CIC: variants seen among roughly 807,000 people sequenced by gnomAD.
CIC encodes the protein protein capicua homolog.
Under a neutral mutation model 115.7 loss-of-function variants are expected in CIC, and 18 were observed. The observed-to-expected ratio is 0.16, with a 90% CI of 0.11 to 0.23. CIC has a LOEUF of 0.23. Among genes scored for constraint, CIC ranks in the 10% least tolerant of loss-of-function variants. The probability of loss-of-function intolerance (pLI) is 1.00; values close to 1 mark genes in which losing one functional copy is unlikely to be tolerated. For synonymous variants in CIC, 1,076 were observed against 923.0 expected, an observed-to-expected ratio of 1.17 and a Z score of -3.01; for missense variants, 2,000 against 2,159.3, an observed-to-expected ratio of 0.93 and a Z score of 1.46.
rs1480586817 is a variant in CIC at position 42,274,082 on chromosome 19, G to A, written c.2299G>A (p.Val767Met). The change falls in exon 2 of 21, where the codon GTG becomes ATG. Residue 767 changes from valine to methionine, a missense_variant. Transcript: ENST00000681038. Reference sequence around the variant, plus strand: ...CTCCACGCCGGCTGGCTTCCGGGCCGTGTCCCCTGCTGTGCCCTTCTCTCG... The same window carrying A: ...CTCCACGCCGGCTGGCTTCCGGGCCATGTCCCCTGCTGTGCCCTTCTCTCG... ...TPSTPAGFRAVSPAVPFSRSR... is the reference protein window; with the variant it reads ...TPSTPAGFRAMSPAVPFSRSR... 9 of 399,684 alleles carry A rather than the reference G, an allele frequency of 2.3e-5. No homozygotes were observed. The highest frequency in any genetic ancestry group is 2.5e-4 in the South Asian group (2 of 7,954). The allele number at this position is 399,684 out of a possible 1,614,324, so 24.8% of individuals were successfully genotyped here.
chr19:42,273,034 C>T lies in CIC; in HGVS notation c.1251C>T (p.Pro417=), dbSNP rs1361437479. Residue 417 remains proline (P), a synonymous_variant, in exon 2 of 21, where the codon CCC becomes CCT. Coordinates refer to ENST00000681038, the MANE Select transcript of CIC (RefSeq NM_001386298.1). ...GTACCCCAGCCCTGCTCCCACTGCC[C>T]CCACCCCAGCTCCTGTCACCACCAC... ...ALGTPALLPL[P]PPQLLSPPPK... is the part of the protein sequence containing the mutation. The T allele has an allele frequency of 2.5e-6, 1 of 399,338 alleles. No homozygotes were observed. The highest frequency in any genetic ancestry group is 4.4e-6 in the Non-Finnish European group (1 of 226,528). 24.7% of individuals were successfully genotyped at this position (399,338 alleles called of 1,614,324 possible). A position where few individuals can be genotyped will look rare whatever the true frequency, so the allele number is the denominator to read the frequency against.
At chr19:42,290,026 TGA>T (rs973936141) in intron 10 of CIC, 75 bp downstream of exon 10, 91 of 1,442,644 alleles carry the variant, frequency 6.3e-5, no homozygotes, top group African/African-American at 5.4e-4. Context: ...CTCCCGGGCT[TGA>T]GAGAGGGGGA....
intron 12 of CIC, 141 bp from the exon 13 acceptor site, chr19:42,291,945 A>C: frequency 7.4e-7 from 1 of 1,349,816 alleles, no homozygotes; most frequent in South Asian, 1.2e-5. Context: ...CCCACCTCTC[A>C]CTGTCATCTT....
chr19:42,269,748 G>A (rs527353305), intron 1 of CIC, among the ~76,000 whole-genome samples: 161 of 146,462 alleles, frequency 1.1e-3, no homozygotes, highest in African/African-American at 3.9e-3. Flanking sequence ...GATAAATGGG[G>A]GTGACAAGGA....
At chr19:42,291,810 T>G in intron 12 of CIC, 65 bp downstream of exon 12, 1 of 1,580,204 alleles carries the variant, frequency 6.3e-7, no homozygotes, top group Admixed American at 1.7e-5. Flanking sequence ...TTTCTTTGTC[T>G]TTTTTTTCAG....
At chr19:42,285,836 C>G (rs768320773) in intron 2 of CIC, among the ~76,000 whole-genome samples, 1 of 152,234 alleles carries the variant, frequency 6.6e-6, no homozygotes, top group Non-Finnish European at 1.5e-5. Flanking sequence ...CACCACCCAC[C>G]TCTTGGGGCT....
chr19:42,294,496 A>C (rs2038374574), intron 19 of CIC, 108 bp from the exon 20 acceptor site: 2 of 1,575,118 alleles, frequency 1.3e-6, no homozygotes, highest in Admixed American at 1.7e-5. Flanking sequence ...CCCCTCTCTG[A>C]CTCCCCTGTG....
Position 42,278,385 on chromosome 19 carries a change from T to A in CIC, c.2794+3808T>A, listed in dbSNP as rs532907777. 3.3e-5 allele frequency among the ~76,000 whole-genome samples: 5 copies of A among 152,370 alleles called. No homozygotes were observed. In the East Asian group the frequency reaches 9.6e-4, roughly 29 times the overall value. ...GCCTCTGTCTGGCGGTCTGGCTCTG[T>A]CTGTCTTATCCTTGGCTTCCTATAT... is the stretch of plus-strand genomic sequence containing the variant. On this transcript the variant is annotated intron_variant, in intron 2 of 20. Coordinates refer to ENST00000681038, the MANE Select transcript of CIC (RefSeq NM_001386298.1).
rs374769971 is a variant in CIC at position 42,291,388 on chromosome 19, G to A, written c.5347G>A (p.Gly1783Ser). 1.8e-5 allele frequency: 29 copies of A among 1,612,362 alleles called. No homozygotes were observed. Among genetic ancestry groups the A allele is most frequent in the Admixed American group, 3.3e-5 (2 of 59,980 alleles). Residue 1783 changes from glycine (G) to serine (S), a missense_variant, in exon 11 of 21, where the codon GGC becomes AGC. This residue lies in a region of CIC where 1,466 missense variants were observed against 1,390.4 expected (regional missense o/e 1.05). Coordinates refer to ENST00000681038, the MANE Select transcript of CIC (RefSeq NM_001386298.1). ...FTLPPGTSTNGKVLAATAPTP... is the reference protein window; with the variant it reads ...FTLPPGTSTNSKVLAATAPTP... Reference sequence around the variant, plus strand: ...CCTCCCACCGGGCACTTCCACCAACGGCAAAGTCCTGGCTGCCACTGCACC... The same window carrying A: ...CCTCCCACCGGGCACTTCCACCAACAGCAAAGTCCTGGCTGCCACTGCACC...
In CIC at chr19:42,272,139, A is replaced by G; in HGVS notation, c.356A>G (p.Lys119Arg). 2.5e-6 allele frequency: 1 copy of G among 399,184 alleles called. No individual in the cohort carries two copies. The highest frequency in any genetic ancestry group is 4.4e-6 in the Non-Finnish European group (1 of 226,492). 24.7% of individuals were successfully genotyped at this position (399,184 alleles called of 1,614,324 possible). The change falls in exon 2 of 21, where the codon AAG (lysine) becomes AGG (arginine). Residue 119 changes from lysine (K) to arginine (R), a missense_variant. Around this residue, in one of 8 missense-constraint regions of CIC, gnomAD observed 222 missense variants for 247.7 expected, o/e 0.90. Transcript: ENST00000681038. ...KTATFKSRAP[K>R]KKYVEEHGAG... ...GCCACGTTCAAGTCTCGAGCGCCCA[A>G]GAAGAAGTATGTGGAGGAGCACGGA... is the stretch of plus-strand genomic sequence containing the variant.
In CIC at chr19:42,290,325, T is replaced by A. The variant is rs746038251; in HGVS notation, c.4284T>A (p.Asp1428Glu). 25 of 1,614,022 alleles carry A rather than the reference T, an allele frequency of 1.5e-5. No individual in the cohort carries two copies. The highest frequency in any genetic ancestry group is 1.9e-5 in the Non-Finnish European group (23 of 1,179,966). The change falls in exon 11 of 21, where the codon GAT (aspartate) becomes GAA (glutamate). Residue 1428 changes from aspartate to glutamate, a missense_variant. Transcript: ENST00000681038. ...ACCCTGAGCCCCCAGGGCCCCCGGA[T>A]CCTCCTGTAGCCTTTGGCAAAGGCT... ...PLDPEPPGPP[D>E]PPVAFGKGYG... is the part of the protein sequence containing the mutation.
At position 42,294,200 on chromosome 19, in the gene CIC, C is replaced by G. The variant is rs767342723; in HGVS notation, c.6950C>G (p.Thr2317Ser). 1 of 1,613,868 alleles carries G rather than the reference C, an allele frequency of 6.2e-7. No homozygotes were observed. The highest frequency in any genetic ancestry group is 8.5e-7 in the Non-Finnish European group (1 of 1,180,016). The change falls in exon 19 of 21, where the codon ACC (threonine) becomes AGC (serine). Residue 2317 changes from threonine to serine, a missense_variant. By Grantham distance (58) the Thr-to-Ser change is moderately conservative. Coordinates refer to ENST00000681038, the MANE Select transcript of CIC (RefSeq NM_001386298.1). ...CTGGATTCAGCACCCGAGGACCCCA[C>G]CTCGCCCAAGCGCAAGATGAGAAGA... ...TDLDSAPEDP[T>S]SPKRKMRRRS... is the part of the protein sequence containing the mutation.
At position 42,291,665 on chromosome 19, in the gene CIC, G is replaced by A. The variant is rs1599921631; in HGVS notation, c.5533G>A (p.Gly1845Arg). 1 of 1,613,000 alleles carries A rather than the reference G, an allele frequency of 6.2e-7. No individual in the cohort carries two copies. ...LAAPSMSVRGGGAGQPLPLVS... is the reference protein window; with the variant it reads ...LAAPSMSVRGRGAGQPLPLVS... Reference sequence around the variant, plus strand: ...CGCCCCTAGCATGTCAGTGCGGGGTGGAGGGGCCGGCCAGCCACTGCCACT... The same window carrying A: ...CGCCCCTAGCATGTCAGTGCGGGGTAGAGGGGCCGGCCAGCCACTGCCACT... Residue 1845 changes from glycine (G) to arginine (R), a missense_variant, in exon 12 of 21, where the codon GGA (glycine) becomes AGA (arginine). Transcript: ENST00000681038.
chr19:42,291,423 C>A lies in CIC; in HGVS notation c.5382C>A (p.Gly1794=), dbSNP rs751239213. The change falls in exon 11 of 21, where the codon GGC becomes GGA. Residue 1794 remains glycine (G), a synonymous_variant. Transcript: ENST00000681038. ...TGGCTGCCACTGCACCCACTCCTGGCATCCCCATCCTGCAGTCTGTACCCT... is the reference window on the plus strand; with the variant it reads ...TGGCTGCCACTGCACCCACTCCTGGAATCCCCATCCTGCAGTCTGTACCCT... The part of the protein sequence containing the change: ...KVLAATAPTP[G]IPILQSVPSA... The A allele has an allele frequency of 6.2e-7, 1 of 1,613,036 alleles. No individual in the cohort carries two copies. The highest frequency in any genetic ancestry group is 8.5e-7 in the Non-Finnish European group (1 of 1,179,992).
rs868456673 is a variant in CIC, at chr19:42,289,336, C to T, written c.4017C>T (p.Ala1339=). 7 of 1,613,878 alleles carry T rather than the reference C, an allele frequency of 4.3e-6. No individual in the cohort carries two copies. The highest frequency in any genetic ancestry group is 3.3e-4 in the Middle Eastern group (2 of 6,056). The part of the protein sequence containing the change: ...PTRASRSQRA[A]SEDMTSDEER... ...GAGCTTCTCGTTCTCAGCGTGCGGC[C>T]AGTGAGGACATGACGAGTGATGAGG... Residue 1339 remains alanine (A), a synonymous_variant, in exon 9 of 21, where the codon GCC becomes GCT. Coordinates refer to ENST00000681038, the MANE Select transcript of CIC (RefSeq NM_001386298.1).
chr19:42,272,300 G>A lies in CIC; in HGVS notation c.517G>A (p.Ala173Thr). The A allele has an allele frequency of 2.5e-6, 1 of 398,654 alleles. No homozygotes were observed. The highest frequency in any genetic ancestry group is 4.4e-5 in the Admixed American group (1 of 22,740). The allele number at this position is 398,654 out of a possible 1,614,324, so 24.7% of individuals were successfully genotyped here. A position where few individuals can be genotyped will look rare whatever the true frequency, so the allele number is the denominator to read the frequency against. The change falls in exon 2 of 21, where the codon GCG becomes ACG. Residue 173 changes from alanine (A) to threonine (T), a missense_variant. By Grantham distance (58) the Ala-to-Thr change is moderately conservative. Coordinates refer to ENST00000681038, the MANE Select transcript of CIC (RefSeq NM_001386298.1). ...SSTDTASEHS[A>T]DLEDEPAEAC... ...CACTGACACAGCCAGCGAGCACTCG[G>A]CGGACCTGGAGGATGAGCCGGCTGA... is the stretch of plus-strand genomic sequence containing the variant.
chr19:42,288,339 A>G (rs566820891), intron 7 of CIC, among the ~76,000 whole-genome samples: 2 of 152,338 alleles, frequency 1.3e-5, no homozygotes, highest in South Asian at 4.1e-4. Context: ...CAAGCAAATG[A>G]CAGAGCCAGA....
rs1599849261 is a variant in CIC, at chr19:42,273,011, A to G, written c.1228A>G (p.Thr410Ala). ...GGAGAAGCACCCTCCAGCCCTGGGT[A>G]CCCCAGCCCTGCTCCCACTGCCCCC... ...GEEKHPPALG[T>A]PALLPLPPPQ... The change falls in exon 2 of 21, where the codon ACC becomes GCC. Residue 410 changes from threonine (T) to alanine (A), a missense_variant. Physicochemically the swap from Thr to Ala is moderately conservative, Grantham distance 58. This residue lies in a region of CIC where 222 missense variants were observed against 247.7 expected (regional missense o/e 0.90). Coordinates refer to ENST00000681038, the MANE Select transcript of CIC (RefSeq NM_001386298.1). 2.5e-6 allele frequency: 1 copy of G among 398,756 alleles called. No homozygotes were observed. Among genetic ancestry groups the G allele is most frequent in the East Asian group, 3.6e-5 (1 of 28,034 alleles). 24.7% of individuals were successfully genotyped at this position (398,756 alleles called of 1,614,324 possible). A position where few individuals can be genotyped will look rare whatever the true frequency, so the allele number is the denominator to read the frequency against.
rs751103275 is a variant in CIC, at chr19:42,289,049, G to A, written c.3820G>A (p.Gly1274Ser). 32 of 1,613,582 alleles carry A rather than the reference G, an allele frequency of 2.0e-5. No homozygotes were observed. Among genetic ancestry groups the A allele is most frequent in the African/African-American group, 1.1e-4 (8 of 74,936 alleles). ...FSHSGVHSLD[G>S]GEVDSQALQE... is the part of the protein sequence containing the mutation. ...CCACAGCGGGGTACACAGCCTGGAC[G>A]GCGGAGAAGTAGACAGTCAGGCGCT... Residue 1274 changes from glycine to serine, a missense_variant, in exon 8 of 21, where the codon GGC becomes AGC. This residue lies in a region of CIC where 1,466 missense variants were observed against 1,390.4 expected (regional missense o/e 1.05). Coordinates refer to ENST00000681038, the MANE Select transcript of CIC (RefSeq NM_001386298.1).
Sources: gnomAD v4.1 joint callset for allele counts (sites outside exome capture counted in the v4.1 genomes callset) on GRCh38, gnomAD v4.1.1 for gene constraint, gnomAD v4.1.1 regional missense constraint, MANE v1.5 for transcripts, NCBI Gene and HGNC (gene_info 2026-07-23, HGNC 2026-07-21) for gene names.